Variants in CNTNAP5 observed in about 807,000 individuals in gnomAD.
CNTNAP5 encodes the protein contactin associated protein family member 5.
CNTNAP5 carries 72 observed loss-of-function variants against 150.2 expected under a neutral mutation model. The observed-to-expected ratio is 0.48, with a 90% confidence interval of 0.40 to 0.58. CNTNAP5 has a LOEUF of 0.58. CNTNAP5 is among the 20% of genes least tolerant of loss of function. CNTNAP5 has a pLI of 0.00. For missense variants in CNTNAP5, 1,636 were observed against 1,626.2 expected (o/e 1.01, Z -0.10); for synonymous variants, 672 against 619.8 (o/e 1.08, Z -1.25).
intron 13 of CNTNAP5, among the ~76,000 whole-genome samples, chr2:124,666,252 A>G (rs1011204471): frequency 3.3e-5 from 5 of 152,184 alleles, no homozygotes; most frequent in Admixed American, 6.5e-5. Flanking sequence ...CTTAGAGGTT[A>G]TAGGTGGATT....
intron 3 of CNTNAP5, among the ~76,000 whole-genome samples, chr2:124,371,910 A>T (rs1370021691): frequency 2.0e-5 from 3 of 152,074 alleles, no homozygotes; most frequent in Admixed American, 2.0e-4. Flanking sequence ...AGTTAATATT[A>T]GATGTCATCT....
chr2:124,347,830 T>A (rs955929434), intron 3 of CNTNAP5, among the ~76,000 whole-genome samples: 9 of 148,616 alleles, frequency 6.1e-5, no homozygotes, highest in African/African-American at 2.2e-4. Flanking sequence ...CCTTGACAAT[T>A]TTTTTTTTTT....
chr2:124,129,772 T>C (rs960543730), intron 1 of CNTNAP5, among the ~76,000 whole-genome samples: 3 of 152,220 alleles, frequency 2.0e-5, no homozygotes, highest in Non-Finnish European at 4.4e-5. Flanking sequence ...AAAGCCTTAA[T>C]TGAGGCTCCA....
At chr2:124,801,880 G>C (rs746925042) in intron 19 of CNTNAP5, among the ~76,000 whole-genome samples, 2 of 152,136 alleles carry the variant, frequency 1.3e-5, no homozygotes, top group Non-Finnish European at 2.9e-5. Context: ...TTTATTAGAG[G>C]TTGCAAAAAG....
intron 1 of CNTNAP5, among the ~76,000 whole-genome samples, chr2:124,098,582 C>T (rs1224489198): frequency 2.0e-5 from 3 of 152,064 alleles, no homozygotes; most frequent in African/African-American, 4.8e-5. Flanking sequence ...GAAGTAGTGT[C>T]CCATTATTTC....
chr2:124,799,137 G>A (rs1212304020), intron 19 of CNTNAP5, among the ~76,000 whole-genome samples: 4 of 152,208 alleles, frequency 2.6e-5, no homozygotes, highest in East Asian at 1.9e-4. Flanking sequence ...CAATTTGCAT[G>A]GTATCTAATA....
At chr2:124,650,135 T>G (rs1434283649) in intron 13 of CNTNAP5, among the ~76,000 whole-genome samples, 1 of 152,172 alleles carries the variant, frequency 6.6e-6, no homozygotes, top group Middle Eastern at 3.2e-3. Context: ...GGGTCTTCAT[T>G]AATCGTCTTT....
rs1679871407 is a variant in CNTNAP5 at position 124,713,325 on chromosome 2, T to TTC, written c.2078-33902_2078-33901dup. Among the ~76,000 whole-genome samples, 10 of 58,064 alleles carry TTC rather than the reference T, an allele frequency of 1.7e-4. No homozygotes were observed. In the South Asian group the frequency reaches 2.3e-3, roughly 13 times the overall value. 38.1% of individuals were successfully genotyped at this position (58,064 alleles called of 152,430 possible). ...TCTTCTTTCTCTTTCTTTCCTTTCTTTCTTTCTTTCTTTCTTTCTTTCTTT... is the reference window on the plus strand; with the variant it reads ...TCTTCTTTCTCTTTCTTTCCTTTCTTTCTCTTTCTTTCTTTCTTTCTTTCTTT... On this transcript the variant is annotated intron_variant, in intron 13 of 23. Transcript: ENST00000682447.
chr2:124,796,174 C>A (rs1681842250), intron 18 of CNTNAP5, among the ~76,000 whole-genome samples: 1 of 152,018 alleles, frequency 6.6e-6, no homozygotes, highest in South Asian at 2.1e-4. Context: ...GGAAGAGTGA[C>A]AACAGAAATT....
chr2:124,351,424 C>A (rs1689872844), intron 3 of CNTNAP5, among the ~76,000 whole-genome samples: 2 of 152,162 alleles, frequency 1.3e-5, no homozygotes, highest in African/African-American at 2.4e-5. Context: ...GAAGACCAGC[C>A]AGCCTGGCAG....
At chr2:124,426,690 G>A (rs1461640740) in intron 4 of CNTNAP5, among the ~76,000 whole-genome samples, 2 of 152,178 alleles carry the variant, frequency 1.3e-5, no homozygotes, top group Non-Finnish European at 2.9e-5. Context: ...TTCAAGCTTG[G>A]AATCTTCTAT....
At chr2:124,582,458 A>G (rs1001916824) in intron 11 of CNTNAP5, among the ~76,000 whole-genome samples, 1 of 152,240 alleles carries the variant, frequency 6.6e-6, no homozygotes, top group African/African-American at 2.4e-5. Flanking sequence ...CTCAGAGCCT[A>G]GAAGTCAAAA....
At chr2:124,893,238 A>G (rs1174126426) in intron 21 of CNTNAP5, among the ~76,000 whole-genome samples, 1 of 151,976 alleles carries the variant, frequency 6.6e-6, no homozygotes, top group African/African-American at 2.4e-5. Flanking sequence ...TTTTGTTTCC[A>G]TTTCTTTGCT....
At position 124,317,460 on chromosome 2, in the gene CNTNAP5, G is replaced by T. The variant is rs1688996063; in HGVS notation, c.381+75067G>T. Among the ~76,000 whole-genome samples, 4 of 152,112 alleles carry T rather than the reference G, an allele frequency of 2.6e-5. No individual in the cohort carries two copies. The South Asian group carries it at 8.3e-4, about 32-fold the overall frequency. On this transcript the variant is annotated intron_variant, in intron 3 of 23. Coordinates refer to ENST00000682447, the MANE Select transcript of CNTNAP5 (RefSeq NM_001367498.1). ...ACTTTGCTTGCCACTTTGCTCGCCA[G>T]TGCTCACAAAGGCTGCCTGCCCATC...
chr2:124,539,082 T>C lies in CNTNAP5; in HGVS notation c.1649+11626T>C, dbSNP rs983125155. ...AAAAGCATTCATCGATGGCCCATTA[T>C]AAGCACCATTTATAGACACAGTTGG... On this transcript the variant is annotated intron_variant, in intron 10 of 23. Transcript: ENST00000682447. Among the ~76,000 whole-genome samples the C allele has an allele frequency of 7.9e-5, 12 of 152,342 alleles. 1 individual carries two copies. Among genetic ancestry groups the C allele is most frequent in the African/African-American group, 2.6e-4 (11 of 41,596 alleles).
intron 11 of CNTNAP5, among the ~76,000 whole-genome samples, chr2:124,602,559 T>C (rs1185461293): frequency 1.3e-5 from 2 of 152,020 alleles, no homozygotes; most frequent in Admixed American, 6.6e-5. Context: ...AGTGGCTTAA[T>C]CATAGCTCAC....
intron 22 of CNTNAP5, 52 bp from the exon 23 acceptor site, chr2:124,911,415 T>C (rs561738273): frequency 7.2e-7 from 1 of 1,385,496 alleles, no homozygotes; most frequent in East Asian, 2.5e-5. Flanking sequence ...TGTAGGCTTC[T>C]TGCCAGTGCT....
chr2:124,051,461 T>C (rs1228996685), intron 1 of CNTNAP5, among the ~76,000 whole-genome samples: 1 of 152,212 alleles, frequency 6.6e-6, no homozygotes, highest in Non-Finnish European at 1.5e-5. Flanking sequence ...TGGAAATCAA[T>C]GTTGTGTCTA....
At chr2:124,202,724 A>G (rs1205976713) in intron 1 of CNTNAP5, among the ~76,000 whole-genome samples, 1 of 152,170 alleles carries the variant, frequency 6.6e-6, no homozygotes, top group Non-Finnish European at 1.5e-5. Context: ...GAGTGTTTGC[A>G]GGGGAACAGC....
Sources: gnomAD v4.1 joint callset for allele counts (sites outside exome capture counted in the v4.1 genomes callset) on GRCh38, gnomAD v4.1.1 for gene constraint, MANE v1.5 for transcripts, NCBI Gene and HGNC (gene_info 2026-07-23, HGNC 2026-07-21) for gene names.